The following ATP5F1A variants were observed in gnomAD, a reference collection of about 807,000 sequenced individuals.
The protein encoded by ATP5F1A is ATP synthase F1 subunit alpha, also known as ATP synthase F(1) complex subunit alpha, mitochondrial.
A neutral mutation model predicts 57.4 loss-of-function variants in ATP5F1A; 24 were observed. The observed-to-expected ratio is 0.42, with a 90% confidence interval of 0.30 to 0.59. ATP5F1A has a LOEUF of 0.59. Among genes scored for constraint, ATP5F1A ranks in the 20% least tolerant of loss-of-function variants. ATP5F1A has a pLI of 0.19. For missense variants in ATP5F1A, 494 were observed against 707.9 expected, an observed-to-expected ratio of 0.70 and a Z score of 3.43; for synonymous variants, 251 against 255.5, an observed-to-expected ratio of 0.98 and a Z score of 0.17.
chr18:46,089,669 T>C lies in ATP5F1A; in HGVS notation c.547A>G (p.Ile183Val), dbSNP rs1184162721. 1 of 1,614,086 alleles carries C rather than the reference T, an allele frequency of 6.2e-7. No homozygotes were observed. Among genetic ancestry groups the C allele is most frequent in the South Asian group, 1.1e-5 (1 of 91,084 alleles). ...GTCTGCATTGGTTCCCGCACTGAAATTCGAGGAATGATACCGGGGGCTTTC... is the reference window on the plus strand; with the variant it reads ...GTCTGCATTGGTTCCCGCACTGAAACTCGAGGAATGATACCGGGGGCTTTC... ...GLKAPGIIPRISVREPMQTGI... is the reference protein window; with the variant it reads ...GLKAPGIIPRVSVREPMQTGI... The change falls in exon 5 of 12, where the codon ATT becomes GTT. Residue 183 changes from isoleucine to valine, a missense_variant. Physicochemically the swap from Ile to Val is conservative, Grantham distance 29. This residue lies in a region of ATP5F1A where 191 missense variants were observed against 267.7 expected (regional missense o/e 0.71). Coordinates refer to ENST00000398752, the MANE Select transcript of ATP5F1A (RefSeq NM_004046.6).
upstream of ATP5F1A, chr18:46,098,473 G>T: frequency 7.9e-7 from 1 of 1,259,426 alleles, no homozygotes; most frequent in South Asian, 1.9e-5. Flanking sequence ...GATATATTCC[G>T]GCTTTGGTCC....
rs771380362 is a variant in ATP5F1A, at chr18:46,098,196, G to A, written c.36C>T (p.Arg12=). 16 of 1,606,100 alleles carry A rather than the reference G, an allele frequency of 1.0e-5. No individual in the cohort carries two copies. The highest frequency in any genetic ancestry group is 4.4e-5 in the South Asian group (4 of 90,974). ...CCAGTCCGGCCCGCCGAGGAAGGGC[G>A]CGGACCACGGCCGCAGCAACGCGCA... is the stretch of plus-strand genomic sequence containing the variant. The part of the protein sequence containing the change: ...LSVRVAAAVV[R]ALPRRAGLVS... The change falls in exon 1 of 12, where the codon CGC becomes CGT. Residue 12 remains arginine (R), a synonymous_variant. Transcript: ENST00000398752.
rs751000227 is a variant in ATP5F1A, at chr18:46,089,659, C to T, written c.557G>A (p.Arg186Gln). 96 of 1,613,924 alleles carry T rather than the reference C, an allele frequency of 5.9e-5. 1 individual carries two copies. Among genetic ancestry groups the T allele is most frequent in the Middle Eastern group, 1.6e-4 (1 of 6,082 alleles). Reference protein sequence around the residue: ...APGIIPRISVREPMQTGIKAV... With the variant: ...APGIIPRISVQEPMQTGIKAV... ...CTTAATGCCAGTCTGCATTGGTTCC[C>T]GCACTGAAATTCGAGGAATGATACC... Residue 186 changes from arginine to glutamine, a missense_variant, in exon 5 of 12, where the codon CGG (arginine) becomes CAG (glutamine). Physicochemically the swap from Arg to Gln is conservative, Grantham distance 43. Around this residue, in one of 6 missense-constraint regions of ATP5F1A, gnomAD observed 191 missense variants for 267.7 expected, o/e 0.71. Coordinates refer to ENST00000398752, the MANE Select transcript of ATP5F1A (RefSeq NM_004046.6).
At chr18:46,091,608 A>G in intron 3 of ATP5F1A, 74 bp downstream of exon 3, 5 of 1,424,730 alleles carry the variant, frequency 3.5e-6, no homozygotes, top group Non-Finnish European at 3.8e-6. Flanking sequence ...AATCTGATAC[A>G]ATCTTTGAAT....
intron 2 of ATP5F1A, among the ~76,000 whole-genome samples, chr18:46,094,192 C>T (rs536135801): frequency 4.7e-5 from 7 of 150,060 alleles, no homozygotes; most frequent in African/African-American, 7.6e-5. Flanking sequence ...CACACATATA[C>T]ACACACACTC....
intron 1 of ATP5F1A, among the ~76,000 whole-genome samples, chr18:46,095,355 G>C (rs1012230517): frequency 6.6e-6 from 1 of 152,194 alleles, no homozygotes; most frequent in African/African-American, 2.4e-5. Flanking sequence ...TTTTTAAAAT[G>C]CAGTCTGTAC....
intron 1 of ATP5F1A, 56 bp downstream of exon 1, chr18:46,098,116 C>T: frequency 6.4e-7 from 1 of 1,559,120 alleles, no homozygotes; most frequent in Non-Finnish European, 8.6e-7. Flanking sequence ...AGCCGGCGCA[C>T]CACCACCCTG....
At chr18:46,087,897 G>C in intron 6 of ATP5F1A, 1 of 558,858 alleles carries the variant, frequency 1.8e-6, no homozygotes, top group Non-Finnish European at 3.0e-6. Flanking sequence ...CAAAAAAAGA[G>C]TTAATCAGAA....
upstream of ATP5F1A, among the ~76,000 whole-genome samples, chr18:46,101,949 C>T (rs534633128): frequency 4.6e-5 from 7 of 151,058 alleles, no homozygotes; most frequent in Admixed American, 1.3e-4. Flanking sequence ...CTGAGGTGGG[C>T]GGATCACGAG....
chr18:46,091,942 G>A, intron 2 of ATP5F1A, 91 bp from the exon 3 acceptor site: 1 of 1,290,346 alleles, frequency 7.7e-7, no homozygotes, highest in Non-Finnish European at 1.1e-6. Context: ...GGAGGCTGAG[G>A]CAGGCAGATC....
At chr18:46,093,933 C>T (rs1174795244) in intron 2 of ATP5F1A, among the ~76,000 whole-genome samples, 2 of 151,866 alleles carry the variant, frequency 1.3e-5, no homozygotes, top group African/African-American at 4.8e-5. Flanking sequence ...ATGGTGAAAC[C>T]TTGTCTCTAC....
upstream of ATP5F1A, chr18:46,098,301 A>C (rs1568256704): frequency 6.6e-7 from 1 of 1,525,016 alleles, no homozygotes. Context: ...AAAATGGCCG[A>C]GCCGCAAAGA....
In ATP5F1A at chr18:46,084,583, G is replaced by A; in HGVS notation, c.1501C>T (p.Pro501Ser). 1 of 1,612,778 alleles carries A rather than the reference G, an allele frequency of 6.2e-7. No homozygotes were observed. The highest frequency in any genetic ancestry group is 8.5e-7 in the Non-Finnish European group (1 of 1,179,720). Residue 501 changes from proline to serine, a missense_variant, in exon 11 of 12, where the codon CCC becomes TCC. Pro to Ser is a moderately conservative substitution (Grantham distance 74). This residue lies in a region of ATP5F1A where 127 missense variants were observed against 195.2 expected (regional missense o/e 0.65). Coordinates refer to ENST00000398752, the MANE Select transcript of ATP5F1A (RefSeq NM_004046.6). ...GVRGYLDKLEPSKITKFENAF... is the reference protein window; with the variant it reads ...GVRGYLDKLESSKITKFENAF... ...TTCTCAAACTTTGTAATCTTGCTGG[G>A]CTCCAGTTTATCAAGATATCCCCTT...
chr18:46,096,461 C>A (rs1438039079), intron 1 of ATP5F1A, among the ~76,000 whole-genome samples: 1 of 145,030 alleles, frequency 6.9e-6, no homozygotes, highest in Non-Finnish European at 1.5e-5. Context: ...GATCGCGCCA[C>A]TGCACTCCAG....
At chr18:46,087,296 A>G (rs1177890428) in intron 7 of ATP5F1A, 45 bp downstream of exon 7, 1 of 1,611,958 alleles carries the variant, frequency 6.2e-7, no homozygotes, top group Non-Finnish European at 8.5e-7. Flanking sequence ...GTGAACTTTT[A>G]CTTCAGTACA....
intron 1 of ATP5F1A, 137 bp downstream of exon 1, chr18:46,098,035 A>T: frequency 7.0e-7 from 1 of 1,432,090 alleles, no homozygotes; most frequent in Non-Finnish European, 9.1e-7. Flanking sequence ...TGCTCTGTCC[A>T]GCCGGAGAAG....
intron 8 of ATP5F1A, 186 bp from the exon 9 acceptor site, chr18:46,086,680 GA>G: frequency 3.3e-6 from 2 of 611,404 alleles, no homozygotes; most frequent in Non-Finnish European, 5.6e-6. Context: ...CATGAGATGA[GA>G]AAAAAACATA....
intron 6 of ATP5F1A, chr18:46,087,788 G>A (rs1910235977): frequency 4.6e-6 from 2 of 435,262 alleles, no homozygotes; most frequent in African/African-American, 2.0e-5. Flanking sequence ...GCTGAGACAG[G>A]AGAATCGCTT....
At chr18:46,102,873 A>G (rs909600665), upstream of ATP5F1A, among the ~76,000 whole-genome samples, 3 of 152,242 alleles carry the variant, frequency 2.0e-5, no homozygotes, top group Admixed American at 2.0e-4. Flanking sequence ...GCTTGAGCCC[A>G]GGAGTTCAAG....
Sources: gnomAD v4.1 joint callset for allele counts (sites outside exome capture counted in the v4.1 genomes callset) on GRCh38, gnomAD v4.1.1 for gene constraint, gnomAD v4.1.1 regional missense constraint, MANE v1.5 for transcripts, NCBI Gene and HGNC (gene_info 2026-07-23, HGNC 2026-07-21) for gene names.